LRBA: variants seen among roughly 807,000 people sequenced by gnomAD.
The protein encoded by LRBA is LPS responsive beige-like anchor protein, also known as lipopolysaccharide-responsive and beige-like anchor protein.
A neutral mutation model predicts 330.0 loss-of-function variants in LRBA; 176 were observed. The ratio of observed to expected loss-of-function variants is 0.53; its 90% CI spans 0.47 to 0.60. LRBA has a LOEUF of 0.60. LRBA is among the 20% of genes least tolerant of loss of function. The pLI, the probability that LRBA is intolerant of heterozygous loss-of-function variation, is 0.00. For missense variants in LRBA, 3,259 were observed against 3,444.8 expected (o/e 0.95, Z 1.35); for synonymous variants, 1,230 against 1,193.0 (o/e 1.03, Z -0.64).
intron 56 of LRBA, among the ~76,000 whole-genome samples, chr4:150,266,752 C>G (rs915390025): frequency 6.6e-6 from 1 of 152,104 alleles, no homozygotes; most frequent in Non-Finnish European, 1.5e-5. Flanking sequence ...ATTAAATTCT[C>G]CAGCCAAAAG....
At chr4:150,421,397 G>A (rs998034967) in intron 46 of LRBA, among the ~76,000 whole-genome samples, 1 of 148,114 alleles carries the variant, frequency 6.8e-6, no homozygotes, top group Admixed American at 6.8e-5. Flanking sequence ...AATTCAGTAT[G>A]GACAGAAATA....
chr4:150,382,521 G>T (rs1742426584), intron 47 of LRBA, among the ~76,000 whole-genome samples: 1 of 151,986 alleles, frequency 6.6e-6, no homozygotes, highest in Admixed American at 6.6e-5. Context: ...TACTCAGGAG[G>T]CCGAGGCAAG....
Position 150,282,450 on chromosome 4 carries a change from T to G in LRBA, c.8316A>C (p.Arg2772Ser). ...GCTGAAGAGTCCCCAGGGCACTCAC[T>G]CTTATGTTATCATCTGTTTCCATCG... The part of the protein sequence containing the change: ...QATMETDDNI[R>S]AIQLSRDGQY... Residue 2772 changes from arginine (R) to serine (S), a missense_variant and splice_region_variant, in exon 55 of 57, where the codon AGA (arginine) becomes AGC (serine). By Grantham distance (110) the Arg-to-Ser change is moderately radical. Coordinates refer to ENST00000651943, the MANE Select transcript of LRBA (RefSeq NM_001364905.1). 6.2e-7 allele frequency: 1 copy of G among 1,613,758 alleles called. No individual in the cohort carries two copies. Among genetic ancestry groups the G allele is most frequent in the Non-Finnish European group, 8.5e-7 (1 of 1,179,794 alleles).
chr4:150,983,929 C>T (rs1180940132), intron 2 of LRBA, among the ~76,000 whole-genome samples: 1 of 152,128 alleles, frequency 6.6e-6, no homozygotes, highest in Non-Finnish European at 1.5e-5. Context: ...TGTATGCATT[C>T]ATTTATTCAT....
intron 54 of LRBA, among the ~76,000 whole-genome samples, chr4:150,283,478 G>A (rs866251351): frequency 1.3e-5 from 2 of 152,164 alleles, no homozygotes; most frequent in Admixed American, 6.5e-5. Context: ...GTCAGATAAC[G>A]GGGGTCACTG....
At chr4:150,840,774 T>G in intron 28 of LRBA, 1 of 288,018 alleles carries the variant, frequency 3.5e-6, no homozygotes, top group Non-Finnish European at 5.9e-6. Flanking sequence ...CAACACAGAG[T>G]TGCCAAAAAC....
At chr4:150,779,479 CTTTT>C (rs1054909842) in intron 34 of LRBA, among the ~76,000 whole-genome samples, 1 of 151,728 alleles carries the variant, frequency 6.6e-6, no homozygotes, top group African/African-American at 2.4e-5. Context: ...TTAATGTTTA[CTTTT>C]TTTAATATAC....
intron 36 of LRBA, among the ~76,000 whole-genome samples, chr4:150,687,279 A>G (rs2126934854): frequency 6.6e-6 from 1 of 152,258 alleles, no homozygotes; most frequent in Non-Finnish European, 1.5e-5. Flanking sequence ...CTCTAGAATC[A>G]AATACATATT....
At chr4:150,398,736 C>G (rs1161150340) in intron 47 of LRBA, among the ~76,000 whole-genome samples, 4 of 152,018 alleles carry the variant, frequency 2.6e-5, no homozygotes, top group Non-Finnish European at 5.9e-5. Context: ...AAGTGATCAT[C>G]CCACATCAGC....
intron 40 of LRBA, among the ~76,000 whole-genome samples, chr4:150,564,653 T>C (rs1768886688): frequency 6.6e-6 from 1 of 152,106 alleles, no homozygotes; most frequent in Non-Finnish European, 1.5e-5. Flanking sequence ...AAAGGGCTAA[T>C]ATCCAGAATC....
At chr4:150,955,635 T>TA (rs1210255151) in intron 2 of LRBA, among the ~76,000 whole-genome samples, 1 of 148,308 alleles carries the variant, frequency 6.7e-6, no homozygotes, top group Non-Finnish European at 1.5e-5. Flanking sequence ...CTCACACCTG[T>TA]AATCCCAGCA....
At chr4:150,461,957 A>G (rs958075538) in intron 44 of LRBA, among the ~76,000 whole-genome samples, 1 of 151,770 alleles carries the variant, frequency 6.6e-6, no homozygotes, top group Non-Finnish European at 1.5e-5. Flanking sequence ...GGTACAAAGG[A>G]AATCATCCTA....
chr4:151,011,186 CA>C (rs889750432), intron 2 of LRBA, among the ~76,000 whole-genome samples: 119 of 132,518 alleles, frequency 9.0e-4, no homozygotes, highest in Admixed American at 1.3e-3. Context: ...GACTCTGTCT[CA>C]AAAAAAAAAA....
chr4:150,868,511 T>C (rs2126991812), intron 20 of LRBA, among the ~76,000 whole-genome samples: 1 of 152,310 alleles, frequency 6.6e-6, no homozygotes, highest in African/African-American at 2.4e-5. Context: ...GGAAATTTCT[T>C]TCATGATTCA....
At chr4:150,278,438 G>A (rs1747090162) in intron 55 of LRBA, among the ~76,000 whole-genome samples, 2 of 149,356 alleles carry the variant, frequency 1.3e-5, no homozygotes, top group Non-Finnish European at 3.0e-5. Flanking sequence ...CTGGAGGGAG[G>A]CGGCCAGCAG....
chr4:150,955,122 A>G (rs540568057), intron 2 of LRBA, among the ~76,000 whole-genome samples: 3 of 148,818 alleles, frequency 2.0e-5, no homozygotes, highest in Admixed American at 2.0e-4. Context: ...AAAAAACAGA[A>G]AAATGAGCCA....
chr4:150,602,312 A>G (rs1774202742), intron 37 of LRBA, among the ~76,000 whole-genome samples: 1 of 152,236 alleles, frequency 6.6e-6, no homozygotes, highest in Non-Finnish European at 1.5e-5. Flanking sequence ...ATAGACTTAT[A>G]ATCAAACAGT....
intron 2 of LRBA, among the ~76,000 whole-genome samples, chr4:150,931,150 G>A (rs554111031): frequency 2.6e-4 from 39 of 151,000 alleles, no homozygotes; most frequent in African/African-American, 7.5e-4. Context: ...AAATAATTTC[G>A]AACATTCAAA....
At chr4:150,997,260 T>C (rs1742759416) in intron 2 of LRBA, among the ~76,000 whole-genome samples, 1 of 152,210 alleles carries the variant, frequency 6.6e-6, no homozygotes, top group Admixed American at 6.5e-5. Flanking sequence ...TTTTCTGAAA[T>C]ACTTTATGTA....
Sources: gnomAD v4.1 joint callset for allele counts (sites outside exome capture counted in the v4.1 genomes callset) on GRCh38, gnomAD v4.1.1 for gene constraint, MANE v1.5 for transcripts, NCBI Gene and HGNC (gene_info 2026-07-23, HGNC 2026-07-21) for gene names.